The following GDAP1 variants were observed in gnomAD, a reference collection of about 807,000 sequenced individuals.
GDAP1 encodes ganglioside induced differentiation associated protein 1.
GDAP1 carries 34 observed loss-of-function variants against 40.1 expected under a neutral mutation model. The observed-to-expected ratio is 0.85, with a 90% CI of 0.64 to 1.13. The LOEUF (loss-of-function observed/expected upper bound fraction) is 1.13, where lower values mean the gene tolerates loss of function less well. Ranked by LOEUF, GDAP1 falls within the 50% of genes most tolerant of loss-of-function variation. The probability of loss-of-function intolerance (pLI) is 0.00; values close to 1 mark genes in which losing one functional copy is unlikely to be tolerated. For synonymous variants in GDAP1, 170 were observed against 157.4 expected (o/e 1.08, Z -0.60); for missense variants, 374 against 433.7 (o/e 0.86, Z 1.22).
chr8:74,364,385 C>T lies in GDAP1; in HGVS notation c.*18C>T, dbSNP rs147945220. The T allele has an allele frequency of 9.0e-5, 144 of 1,608,790 alleles. No homozygotes were observed. The African/African-American group carries it at 1.2e-3, about 14-fold the overall frequency. On this transcript the variant is annotated 3_prime_UTR_variant, in exon 6 of 6. Transcript: ENST00000220822. Reference sequence around the variant, plus strand: ...ATTTCTAGGTTTGTTGGGATCTTGTCGTGGCAGCTCATCCAAGCATTTAGC... The same window carrying T: ...ATTTCTAGGTTTGTTGGGATCTTGTTGTGGCAGCTCATCCAAGCATTTAGC...
chr8:74,423,135 T>C (rs967570058), intron 2 of GDAP1, among the ~76,000 whole-genome samples: 8 of 147,658 alleles, frequency 5.4e-5, no homozygotes, highest in Non-Finnish European at 1.0e-4. Flanking sequence ...AATTCATCTA[T>C]CAAATATTTT....
At chr8:74,382,999 C>G (rs1586816586) in intron 2 of GDAP1, among the ~76,000 whole-genome samples, 1 of 152,316 alleles carries the variant, frequency 6.6e-6, no homozygotes, top group South Asian at 2.1e-4. Context: ...ACTTCTTTCT[C>G]AATTTGCTTA....
chr8:74,352,713 T>C (rs1313191094), intron 2 of GDAP1, among the ~76,000 whole-genome samples: 1 of 152,228 alleles, frequency 6.6e-6, no homozygotes, highest in African/African-American at 2.4e-5. Flanking sequence ...TCCTTATAAA[T>C]TTATATGCTG....
At chr8:74,408,658 C>G (rs1805671029) in intron 2 of GDAP1, among the ~76,000 whole-genome samples, 1 of 150,032 alleles carries the variant, frequency 6.7e-6, no homozygotes, top group Non-Finnish European at 1.5e-5. Context: ...TTATAAGCGA[C>G]TCAGTCTATG....
At chr8:74,471,623 A>G (rs1806557677) in intron 2 of GDAP1, among the ~76,000 whole-genome samples, 2 of 152,142 alleles carry the variant, frequency 1.3e-5, no homozygotes, top group Non-Finnish European at 2.9e-5. Context: ...TGAGACCATT[A>G]CCAAAATCAG....
intron 2 of GDAP1, among the ~76,000 whole-genome samples, chr8:74,441,875 G>A (rs560825931): frequency 2.6e-5 from 4 of 152,016 alleles, no homozygotes; most frequent in Admixed American, 2.6e-4. Flanking sequence ...TACCACTTTC[G>A]TTCATAGACT....
chr8:74,471,258 T>C (rs934507364), intron 2 of GDAP1, among the ~76,000 whole-genome samples: 1 of 152,082 alleles, frequency 6.6e-6, no homozygotes, highest in African/African-American at 2.4e-5. Flanking sequence ...TTAATTAGAT[T>C]CCATTTGTCA....
intron 2 of GDAP1, among the ~76,000 whole-genome samples, chr8:74,353,598 C>A (rs1808974146): frequency 6.6e-6 from 1 of 152,098 alleles, no homozygotes; most frequent in Non-Finnish European, 1.5e-5. Context: ...TTGTCAAAGA[C>A]GGGGAAAAGT....
At chr8:74,445,123 A>G (rs1053718655) in intron 2 of GDAP1, among the ~76,000 whole-genome samples, 6 of 152,316 alleles carry the variant, frequency 3.9e-5, no homozygotes, top group African/African-American at 1.4e-4. Context: ...AATGAATCAT[A>G]GAATCATGGA....
intron 2 of GDAP1, among the ~76,000 whole-genome samples, chr8:74,354,069 T>C (rs1808997303): frequency 6.6e-6 from 1 of 152,190 alleles, no homozygotes; most frequent in Non-Finnish European, 1.5e-5. Flanking sequence ...AAGGAGCAAA[T>C]ATAGCTAGAA....
At position 74,364,096 on chromosome 8, in the gene GDAP1, G is replaced by A; in HGVS notation, c.806G>A (p.Gly269Glu). 6.2e-7 allele frequency: 1 copy of A among 1,614,146 alleles called. No homozygotes were observed. The highest frequency in any genetic ancestry group is 8.5e-7 in the Non-Finnish European group (1 of 1,180,008). ...KFLGFARRNW[G>E]NGKRPNLETY... ...CTGGGGTTTGCAAGGAGAAACTGGG[G>A]AAACGGAAAGCGACCAAACTTGGAA... Residue 269 changes from glycine to glutamate, a missense_variant, in exon 6 of 6, where the codon GGA becomes GAA. Coordinates refer to ENST00000220822, the MANE Select transcript of GDAP1 (RefSeq NM_018972.4).
At position 74,364,141 on chromosome 8, in the gene GDAP1, T is replaced by G; in HGVS notation, c.851T>G (p.Leu284Trp). The G allele has an allele frequency of 6.2e-7, 1 of 1,614,136 alleles. No homozygotes were observed. The highest frequency in any genetic ancestry group is 8.5e-7 in the Non-Finnish European group (1 of 1,180,004). Residue 284 changes from leucine (L) to tryptophan (W), a missense_variant, in exon 6 of 6, where the codon TTG becomes TGG. Physicochemically the swap from Leu to Trp is moderately conservative, Grantham distance 61. Coordinates refer to ENST00000220822, the MANE Select transcript of GDAP1 (RefSeq NM_018972.4). ...TTGGAAACCTATTACGAGCGTGTCT[T>G]GAAGAGAAAAACATTTAACAAGGTT... is the stretch of plus-strand genomic sequence containing the variant. ...PNLETYYERV[L>W]KRKTFNKVLG...
At chr8:74,354,872 C>T (rs1400995606) in intron 2 of GDAP1, among the ~76,000 whole-genome samples, 2 of 152,156 alleles carry the variant, frequency 1.3e-5, no homozygotes, top group Non-Finnish European at 2.9e-5. Flanking sequence ...GGTGTGCAGT[C>T]GCCCATGGTC....
chr8:74,367,446 A>G (rs1809679409), downstream of GDAP1, among the ~76,000 whole-genome samples: 1 of 152,224 alleles, frequency 6.6e-6, no homozygotes, highest in South Asian at 2.1e-4. Context: ...CCTTGAATTT[A>G]CAAACAAGAA....
At chr8:74,360,971 A>G (rs1460929945) in intron 3 of GDAP1, among the ~76,000 whole-genome samples, 3 of 152,144 alleles carry the variant, frequency 2.0e-5, no homozygotes, top group Non-Finnish European at 4.4e-5. Flanking sequence ...TCCAGAAACC[A>G]TGTGTTCCCC....
chr8:74,473,757 C>A (rs28830910), intron 2 of GDAP1, among the ~76,000 whole-genome samples: 1,756 of 152,104 alleles, frequency 0.012, 25 homozygotes, highest in African/African-American at 0.04. Context: ...CTGCTTTGTT[C>A]TTTTATTTAG....
At chr8:74,387,649 C>T (rs555772575) in intron 2 of GDAP1, among the ~76,000 whole-genome samples, 16 of 152,014 alleles carry the variant, frequency 1.1e-4, no homozygotes, top group African/African-American at 3.4e-4. Context: ...TTTCTTTTTT[C>T]GTTGTGTCTC....
rs187064550 is a variant in GDAP1, at chr8:74,365,428, A to C, written c.*1061A>C. 2.4e-4 allele frequency: 108 copies of C among 453,884 alleles called. No homozygotes were observed. Among genetic ancestry groups the C allele is most frequent in the African/African-American group, 1.8e-3 (92 of 50,040 alleles). 28.1% of individuals were successfully genotyped at this position (453,884 alleles called of 1,614,324 possible). ...GGATTTGGGGGGGATACCTCAGTTC[A>C]TGTGGAAGGGACAGTCTCGGTGTGT... On this transcript the variant is annotated 3_prime_UTR_variant, in exon 6 of 6. Coordinates refer to ENST00000220822, the MANE Select transcript of GDAP1 (RefSeq NM_018972.4).
At chr8:74,409,841 A>T (rs4610735) in intron 2 of GDAP1, among the ~76,000 whole-genome samples, 1 of 149,956 alleles carries the variant, frequency 6.7e-6, no homozygotes, top group South Asian at 2.1e-4. Context: ...GTTTTCCTGC[A>T]TGTAGTTACA....
Sources: gnomAD v4.1 joint callset for allele counts (sites outside exome capture counted in the v4.1 genomes callset) on GRCh38, gnomAD v4.1.1 for gene constraint, MANE v1.5 for transcripts, NCBI Gene and HGNC (gene_info 2026-07-23, HGNC 2026-07-21) for gene names.